CYP20A1: variants seen among roughly 807,000 people sequenced by gnomAD.
CYP20A1 encodes the protein cytochrome P450 family 20 subfamily A member 1.
Under a neutral mutation model 61.4 loss-of-function variants are expected in CYP20A1, and 61 were observed. The observed-to-expected ratio is 0.99, with a 90% confidence interval of 0.81 to 1.23. The LOEUF (loss-of-function observed/expected upper bound fraction) is 1.23, where lower values mean the gene tolerates loss of function less well. CYP20A1 is among the 50% of genes most tolerant of loss of function. CYP20A1 has a pLI of 0.00. For synonymous variants in CYP20A1, 193 were observed against 188.2 expected (o/e 1.03, Z -0.21); for missense variants, 530 against 542.4 (o/e 0.98, Z 0.23).
chr2:203,303,185 A>G lies in CYP20A1; in HGVS notation c.*6277A>G, dbSNP rs146653647. On this transcript the variant is annotated 3_prime_UTR_variant, in exon 13 of 13. Coordinates refer to ENST00000356079, the MANE Select transcript of CYP20A1 (RefSeq NM_177538.3). Reference sequence around the variant, plus strand: ...TCAGCTAATTTTTGTATTTTTTTTTAGTAGAGACAGGGTTTCACCATGTTG... The same window carrying G: ...TCAGCTAATTTTTGTATTTTTTTTTGGTAGAGACAGGGTTTCACCATGTTG... 7.6e-4 allele frequency among the ~76,000 whole-genome samples: 115 copies of G among 150,892 alleles called. No homozygotes were observed. Among genetic ancestry groups the G allele is most frequent in the Middle Eastern group, 3.4e-3 (1 of 292 alleles).
At chr2:203,287,617 G>T (rs1279201867) in intron 9 of CYP20A1, among the ~76,000 whole-genome samples, 1 of 152,074 alleles carries the variant, frequency 6.6e-6, no homozygotes, top group African/African-American at 2.4e-5. Flanking sequence ...GAGGTGGGAG[G>T]ATCACTTGGG....
At chr2:203,278,486 T>G in intron 6 of CYP20A1, 87 bp from the exon 7 acceptor site, 1 of 531,826 alleles carries the variant, frequency 1.9e-6, no homozygotes, top group Non-Finnish European at 3.3e-6. Flanking sequence ...GTTTTCTTCA[T>G]ATAGTAACAT....
chr2:203,255,175 G>A (rs2105920393), intron 4 of CYP20A1, among the ~76,000 whole-genome samples: 1 of 152,014 alleles, frequency 6.6e-6, no homozygotes, highest in East Asian at 1.9e-4. Flanking sequence ...TCCTTCCCAT[G>A]TATTTTCCCG....
chr2:203,286,119 G>A (rs781443184), intron 9 of CYP20A1, among the ~76,000 whole-genome samples: 27 of 152,104 alleles, frequency 1.8e-4, no homozygotes, highest in Non-Finnish European at 3.5e-4. Flanking sequence ...GCCAGCTTGG[G>A]CAACACGGAA....
intron 8 of CYP20A1, among the ~76,000 whole-genome samples, chr2:203,284,173 A>G (rs888000524): frequency 2.0e-5 from 3 of 152,204 alleles, no homozygotes; most frequent in African/African-American, 7.2e-5. Context: ...CAATATTGGT[A>G]ATAAGGTGAA....
chr2:203,272,851 C>CTT (rs372576462), intron 6 of CYP20A1, 103 bp downstream of exon 6: 1,157 of 426,842 alleles, frequency 2.7e-3, no homozygotes, highest in East Asian at 3.2e-3. Flanking sequence ...TTTATATTTT[C>CTT]TTTTTTTTTT....
chr2:203,266,426 T>TAA lies in CYP20A1; in HGVS notation c.433-88_433-87insAA. 2 of 1,185,246 alleles carry TAA rather than the reference T, an allele frequency of 1.7e-6. 1 individual carries two copies. The allele number at this position is 1,185,246 out of a possible 1,614,324, so 73.4% of individuals were successfully genotyped here. A position where few individuals can be genotyped will look rare whatever the true frequency, so the allele number is the denominator to read the frequency against. The stretch of plus-strand genomic sequence containing the variant: ...TGACTTTGGTTACAGAGTTTAACTG[T>TAA]TTGCCATTAAATGAATCTACTTAGT... On this transcript the variant is annotated intron_variant, in intron 4 of 12. Transcript: ENST00000356079.
At position 203,304,419 on chromosome 2, in the gene CYP20A1, G is replaced by A. The variant is rs1432495472; in HGVS notation, c.*7511G>A. Among the ~76,000 whole-genome samples, 1 of 152,084 alleles carries A rather than the reference G, an allele frequency of 6.6e-6. No homozygotes were observed. The highest frequency in any genetic ancestry group is 1.5e-5 in the Non-Finnish European group (1 of 68,018). On this transcript the variant is annotated 3_prime_UTR_variant, in exon 13 of 13. Coordinates refer to ENST00000356079, the MANE Select transcript of CYP20A1 (RefSeq NM_177538.3). ...TCACCATGTTAGCCAGGATGGTCTT[G>A]ATCTCCTGACCTTGTGATCTGTCCA...
chr2:203,304,394 T>A lies in CYP20A1; in HGVS notation c.*7486T>A, dbSNP rs2069144855. ...TTGTATTTTTAGTAGAGACGGGGTT[T>A]CACCATGTTAGCCAGGATGGTCTTG... On this transcript the variant is annotated 3_prime_UTR_variant, in exon 13 of 13. Coordinates refer to ENST00000356079, the MANE Select transcript of CYP20A1 (RefSeq NM_177538.3). Among the ~76,000 whole-genome samples the A allele has an allele frequency of 6.6e-6, 1 of 152,084 alleles. No homozygotes were observed. Among genetic ancestry groups the A allele is most frequent in the Non-Finnish European group, 1.5e-5 (1 of 68,028 alleles).
intron 1 of CYP20A1, among the ~76,000 whole-genome samples, chr2:203,239,701 T>C (rs890543983): frequency 6.6e-6 from 1 of 152,154 alleles, no homozygotes; most frequent in East Asian, 1.9e-4. Context: ...AGCGCCGCGC[T>C]GCGGGTTCGG....
chr2:203,249,727 C>T (rs553161331), intron 3 of CYP20A1, among the ~76,000 whole-genome samples: 2 of 152,178 alleles, frequency 1.3e-5, no homozygotes, highest in South Asian at 4.2e-4. Flanking sequence ...TACCTGTAAT[C>T]CCAGCTACTG....
intron 5 of CYP20A1, among the ~76,000 whole-genome samples, chr2:203,267,418 A>C (rs2067369681): frequency 6.6e-6 from 1 of 151,794 alleles, no homozygotes; most frequent in South Asian, 2.1e-4. Flanking sequence ...CCTGTAATTC[A>C]AGCTACTTGG....
intron 9 of CYP20A1, among the ~76,000 whole-genome samples, chr2:203,287,686 G>T (rs566262448): frequency 6.9e-6 from 1 of 144,898 alleles, no homozygotes; most frequent in Admixed American, 7.4e-5. Flanking sequence ...CTGGGCAACA[G>T]AGCAAGAACC....
At chr2:203,295,538 A>G (rs1378478844) in intron 11 of CYP20A1, among the ~76,000 whole-genome samples, 1 of 152,256 alleles carries the variant, frequency 6.6e-6, no homozygotes, top group Non-Finnish European at 1.5e-5. Context: ...TTATTTAAAA[A>G]TTCATTATAT....
intron 5 of CYP20A1, among the ~76,000 whole-genome samples, chr2:203,269,780 C>T (rs571658041): frequency 9.2e-5 from 14 of 152,092 alleles, no homozygotes; most frequent in Non-Finnish European, 2.1e-4. Context: ...AGGTGCTTGT[C>T]ACCACGCCCA....
rs2069109656 is a variant in CYP20A1 at position 203,303,669 on chromosome 2, T to C, written c.*6761T>C. On this transcript the variant is annotated 3_prime_UTR_variant, in exon 13 of 13. Transcript: ENST00000356079. ...GAGATCGCGCCATTGCACTCCAGTG[T>C]GGGTGACGAGCGAAAATCCGTCTCA... Among the ~76,000 whole-genome samples, 1 of 151,694 alleles carries C rather than the reference T, an allele frequency of 6.6e-6. No individual in the cohort carries two copies. The highest frequency in any genetic ancestry group is 2.4e-5 in the African/African-American group (1 of 41,286).
intron 4 of CYP20A1, among the ~76,000 whole-genome samples, chr2:203,254,970 A>G (rs2066840982): frequency 6.6e-6 from 1 of 152,000 alleles, no homozygotes; most frequent in Non-Finnish European, 1.5e-5. Context: ...CAGCCTGGGT[A>G]ACAGAGTGAG....
In CYP20A1 at chr2:203,246,870, A is replaced by G. The variant is rs1293143596; in HGVS notation, c.238A>G (p.Ser80Gly). 5.6e-6 allele frequency: 9 copies of G among 1,614,060 alleles called. No individual in the cohort carries two copies. The African/African-American group carries it at 6.7e-5, about 12-fold the overall frequency. Residue 80 changes from serine (S) to glycine (G), a missense_variant, in exon 3 of 13, where the codon AGT becomes GGT. Ser to Gly is a moderately conservative substitution (Grantham distance 56). Coordinates refer to ENST00000356079, the MANE Select transcript of CYP20A1 (RefSeq NM_177538.3). ...CTGGTTTGGCAGGCGCCTCGTGGTT[A>G]GTTTGGGCACTGTTGATGTACTGAA... ...SFWFGRRLVVSLGTVDVLKQH... is the reference protein window; with the variant it reads ...SFWFGRRLVVGLGTVDVLKQH...
Position 203,246,174 on chromosome 2 carries a change from T to C in CYP20A1, c.122+279T>C, listed in dbSNP as rs140183154. 5.3e-4 allele frequency among the ~76,000 whole-genome samples: 80 copies of C among 152,284 alleles called. No individual in the cohort carries two copies. The East Asian group carries it at 0.015, about 28-fold the overall frequency. ...GGTAGGACTAGGCAGACAGATGGAA[T>C]AGAGTAGGTAGTTCAGAAGACAAAC... On this transcript the variant is annotated intron_variant, in intron 2 of 12. Transcript: ENST00000356079.
Sources: gnomAD v4.1 joint callset for allele counts (sites outside exome capture counted in the v4.1 genomes callset) on GRCh38, gnomAD v4.1.1 for gene constraint, MANE v1.5 for transcripts, NCBI Gene and HGNC (gene_info 2026-07-23, HGNC 2026-07-21) for gene names.